Variants in SHB observed in about 807,000 individuals in gnomAD.
SHB encodes the protein SH2 domain-containing adapter protein B.
SHB carries 20 observed loss-of-function variants against 52.3 expected under a neutral mutation model. The observed-to-expected ratio is 0.38, with a 90% CI of 0.27 to 0.56. The LOEUF (loss-of-function observed/expected upper bound fraction) is 0.56. Among genes scored for constraint, SHB ranks in the 20% least tolerant of loss-of-function variants. The pLI, the probability that SHB is intolerant of heterozygous loss-of-function variation, is 0.71. For synonymous variants in SHB, 397 were observed against 316.5 expected, an observed-to-expected ratio of 1.25 and a Z score of -2.70; for missense variants, 825 against 723.3, an observed-to-expected ratio of 1.14 and a Z score of -1.61.
chr9:38,054,712 T>C (rs1306614736), intron 1 of SHB, among the ~76,000 whole-genome samples: 1 of 152,236 alleles, frequency 6.6e-6, no homozygotes, highest in Non-Finnish European at 1.5e-5. Flanking sequence ...AAGGTTAGAC[T>C]GGTTCTACTT....
rs537851285 is a variant in SHB at position 38,057,341 on chromosome 9, G to C, written c.717+10588C>G. Among the ~76,000 whole-genome samples the C allele has an allele frequency of 3.3e-5, 5 of 152,306 alleles. No individual in the cohort carries two copies. The South Asian group carries it at 6.2e-4, about 19-fold the overall frequency. On this transcript the variant is annotated intron_variant, in intron 1 of 5. Coordinates refer to ENST00000377707, the MANE Select transcript of SHB (RefSeq NM_003028.3). ...ATATATATGCAATGAAAAATGGCTA[G>C]ATGAAAAAGTAGTAAAATGTTAATG...
chr9:37,922,362 G>A (rs936820329), intron 5 of SHB, among the ~76,000 whole-genome samples: 2 of 152,248 alleles, frequency 1.3e-5, no homozygotes, highest in Non-Finnish European at 2.9e-5. Context: ...CGAAGCAGAA[G>A]CTAAGCTCCT....
intron 5 of SHB, among the ~76,000 whole-genome samples, chr9:37,923,421 C>A (rs1215074751): frequency 6.6e-6 from 1 of 152,190 alleles, no homozygotes; most frequent in Non-Finnish European, 1.5e-5. Context: ...TGGAGCCCCC[C>A]AGCCTGAGAG....
intron 5 of SHB, among the ~76,000 whole-genome samples, chr9:37,931,322 A>G (rs1021167730): frequency 6.6e-6 from 1 of 152,206 alleles, no homozygotes; most frequent in Non-Finnish European, 1.5e-5. Flanking sequence ...GGGAAAAAAT[A>G]TTTGCAAACC....
Position 38,068,002 on chromosome 9 carries a change from C to G in SHB, c.644G>C (p.Cys215Ser). 1 of 1,531,034 alleles carries G rather than the reference C, an allele frequency of 6.5e-7. No homozygotes were observed. Among genetic ancestry groups the G allele is most frequent in the Middle Eastern group, 2.0e-4 (1 of 5,100 alleles). 94.8% of individuals were successfully genotyped at this position (1,531,034 alleles called of 1,614,324 possible). Residue 215 changes from cysteine to serine, a missense_variant, in exon 1 of 6, where the codon TGC becomes TCC. Coordinates refer to ENST00000377707, the MANE Select transcript of SHB (RefSeq NM_003028.3). ...CTTGTTGAGCAGTTTCTTGCCTCCGCAGGCCGTCGGGCTCCAGGTGCGGCC... is the reference window on the plus strand; with the variant it reads ...CTTGTTGAGCAGTTTCTTGCCTCCGGAGGCCGTCGGGCTCCAGGTGCGGCC... Reference protein sequence around the residue: ...AGGRTWSPTACGGKKLLNKCA... With the variant: ...AGGRTWSPTASGGKKLLNKCA...
At chr9:37,929,813 A>G (rs968577841) in intron 5 of SHB, among the ~76,000 whole-genome samples, 23 of 152,356 alleles carry the variant, frequency 1.5e-4, no homozygotes, top group African/African-American at 5.5e-4. Flanking sequence ...ACATGAAAAG[A>G]GAAAAGGAAG....
At chr9:38,063,992 T>C (rs1821929808) in intron 1 of SHB, among the ~76,000 whole-genome samples, 2 of 152,004 alleles carry the variant, frequency 1.3e-5, no homozygotes. Context: ...TATTTAATTA[T>C]AATAAAAGAA....
At chr9:38,020,106 G>A (rs533339368) in intron 1 of SHB, among the ~76,000 whole-genome samples, 56 of 152,348 alleles carry the variant, frequency 3.7e-4, no homozygotes, top group African/African-American at 1.3e-3. Context: ...AGGAGGGAAG[G>A]ACTTGGAATG....
intron 2 of SHB, among the ~76,000 whole-genome samples, chr9:37,986,973 G>A (rs1820815716): frequency 6.6e-6 from 1 of 152,244 alleles, no homozygotes; most frequent in African/African-American, 2.4e-5. Context: ...CCTCCAGAGA[G>A]GCCTGGGGCC....
rs373469421 is a variant in SHB, at chr9:38,068,328, C to G, written c.318G>C (p.Leu106=). The change falls in exon 1 of 6, where the codon CTG becomes CTC. Residue 106 remains leucine, a synonymous_variant. Transcript: ENST00000377707. ...YNGPGSSLRK[L]RAMCRLDYCG... is the part of the protein sequence containing the mutation. ...AGTAGTCCAGGCGGCACATGGCGCG[C>G]AGTTTGCGCAGCGACGAGCCAGGCC... 5 of 1,537,738 alleles carry G rather than the reference C, an allele frequency of 3.3e-6. No homozygotes were observed. Among genetic ancestry groups the G allele is most frequent in the Non-Finnish European group, 4.4e-6 (5 of 1,147,578 alleles).
At chr9:37,950,902 G>T (rs927526417) in intron 4 of SHB, among the ~76,000 whole-genome samples, 1 of 152,228 alleles carries the variant, frequency 6.6e-6, no homozygotes, top group African/African-American at 2.4e-5. Flanking sequence ...TCCAGAGGCT[G>T]CATTTTACAT....
At chr9:37,941,314 C>T (rs7860131) in intron 5 of SHB, among the ~76,000 whole-genome samples, 2,957 of 152,316 alleles carry the variant, frequency 0.019, 52 homozygotes, top group East Asian at 0.084. Context: ...GGAGCATATG[C>T]TAAGCACTTC....
At chr9:37,946,981 G>A (rs2117886126) in intron 5 of SHB, among the ~76,000 whole-genome samples, 1 of 152,262 alleles carries the variant, frequency 6.6e-6, no homozygotes, top group Middle Eastern at 3.4e-3. Context: ...CACCTTGATG[G>A]CCCCATCAGC....
intron 2 of SHB, among the ~76,000 whole-genome samples, chr9:37,979,234 G>A (rs1820692600): frequency 6.6e-6 from 1 of 152,256 alleles, no homozygotes; most frequent in South Asian, 2.1e-4. Context: ...GTGGCAGTCT[G>A]TAATTTCATG....
chr9:37,978,080 C>T (rs1223894866), intron 2 of SHB, among the ~76,000 whole-genome samples: 1 of 152,174 alleles, frequency 6.6e-6, no homozygotes, highest in Non-Finnish European at 1.5e-5. Context: ...ATTCCAGATA[C>T]TTTATGAAAG....
At position 37,948,623 on chromosome 9, in the gene SHB, G is replaced by T. The variant is rs1261797218; in HGVS notation, c.1346+12C>A. On this transcript the variant is annotated intron_variant, in intron 5 of 5. Transcript: ENST00000377707. The stretch of plus-strand genomic sequence containing the variant: ...GCCGAGGAGGGCTGGGGGTGCTCGG[G>T]GCGGCACTCACCTCAGGGAGAGGGA... The T allele has an allele frequency of 6.2e-7, 1 of 1,613,012 alleles. No homozygotes were observed. The highest frequency in any genetic ancestry group is 8.5e-7 in the Non-Finnish European group (1 of 1,179,956).
chr9:37,956,934 A>G (rs1832642459), intron 3 of SHB, among the ~76,000 whole-genome samples: 1 of 152,234 alleles, frequency 6.6e-6, no homozygotes, highest in South Asian at 2.1e-4. Context: ...TGCTGTTATT[A>G]TAAATCACAC....
chr9:38,042,880 T>C (rs1036151905), intron 1 of SHB, among the ~76,000 whole-genome samples: 2 of 152,180 alleles, frequency 1.3e-5, no homozygotes, highest in Admixed American at 6.5e-5. Context: ...TCACAGAGAC[T>C]CCTCAGACCC....
intron 5 of SHB, among the ~76,000 whole-genome samples, chr9:37,942,484 G>A (rs1242137531): frequency 6.6e-6 from 1 of 152,206 alleles, no homozygotes; most frequent in Non-Finnish European, 1.5e-5. Flanking sequence ...AAGTCACCTA[G>A]TGCAGCAGGG....
Sources: allele counts gnomAD v4.1 joint callset (sites outside exome capture counted in the v4.1 genomes callset), GRCh38; gene constraint gnomAD v4.1.1; transcripts MANE v1.5; gene names NCBI Gene and HGNC (gene_info 2026-07-23, HGNC 2026-07-21).